Variants in LTBP4 observed in about 807,000 individuals in gnomAD.
LTBP4 encodes the protein latent-transforming growth factor beta-binding protein 4.
Under a neutral mutation model 180.2 loss-of-function variants are expected in LTBP4, and 93 were observed. That is an observed-to-expected ratio of 0.52 (90% CI 0.44 to 0.61). The LOEUF (loss-of-function observed/expected upper bound fraction) is 0.61, where lower values mean the gene tolerates loss of function less well. Among genes scored for constraint, LTBP4 ranks in the 20% least tolerant of loss-of-function variants. The probability of loss-of-function intolerance (pLI) is 0.00; values close to 1 mark genes in which losing one functional copy is unlikely to be tolerated. For synonymous variants in LTBP4, 947 were observed against 934.5 expected (o/e 1.01, Z -0.24); for missense variants, 2,116 against 2,256.5 (o/e 0.94, Z 1.26).
At chr19:40,606,894 G>T (rs1425527426) in intron 6 of LTBP4, among the ~76,000 whole-genome samples, 2 of 152,120 alleles carry the variant, frequency 1.3e-5, no homozygotes, top group African/African-American at 4.8e-5. Context: ...ACTACAGGCG[G>T]GCACCACCAT....
intron 7 of LTBP4, among the ~76,000 whole-genome samples, chr19:40,607,816 C>G (rs1367363215): frequency 1.3e-5 from 2 of 152,236 alleles, no homozygotes; most frequent in East Asian, 3.8e-4. Flanking sequence ...TGTCCCTGAA[C>G]TTTGACCAAG....
rs778366246 is a variant in LTBP4 at position 40,609,711 on chromosome 19, G to A, written c.1559-35G>A. 6.2e-7 allele frequency: 1 copy of A among 1,611,250 alleles called. No individual in the cohort carries two copies. Among genetic ancestry groups the A allele is most frequent in the South Asian group, 1.1e-5 (1 of 90,996 alleles). On this transcript the variant is annotated intron_variant, in intron 10 of 29. Transcript: ENST00000396819. This position sits in a 1 kb window ranked among gnomAD's most constrained non-coding sequence, Gnocchi z 4.9. ...GGAGGCGGGGCGGGGGGCTTTGCCT[G>A]GTCACCTTGTCACCAGCCCCCTCCG...
intron 1 of LTBP4, among the ~76,000 whole-genome samples, chr19:40,593,567 A>G (rs539907037): frequency 4.6e-4 from 69 of 151,086 alleles, no homozygotes; most frequent in African/African-American, 1.5e-3. Flanking sequence ...AATTTTTTAC[A>G]TGCCAGGATA....
rs1463519931 is a variant in LTBP4, at chr19:40,611,964, C to G, written c.2159C>G (p.Thr720Ser). The G allele has an allele frequency of 8.7e-6, 14 of 1,611,770 alleles. No homozygotes were observed. The highest frequency in any genetic ancestry group is 1.2e-5 in the Non-Finnish European group (14 of 1,178,938). Residue 720 changes from threonine (T) to serine (S), a missense_variant, in exon 14 of 30, where the codon ACT becomes AGT. Physicochemically the swap from Thr to Ser is moderately conservative, Grantham distance 58. Coordinates refer to ENST00000396819, the MANE Select transcript of LTBP4 (RefSeq NM_001042545.2). This position sits in a 1 kb window ranked among gnomAD's most constrained non-coding sequence, Gnocchi z 4.4. ...TGCCCCATGGGCTTCCAACCCAACA[C>G]TGCTGGCTCCGAGTGCGAGGGTGAG... Reference protein sequence around the residue: ...CVCPMGFQPNTAGSECEDVDE... With the variant: ...CVCPMGFQPNSAGSECEDVDE...
At chr19:40,615,309 C>T (rs2081541274) in intron 19 of LTBP4, 1 of 150,494 alleles carries the variant, frequency 6.6e-6, no homozygotes, top group African/African-American at 2.4e-5. Context: ...AATCTAGCTT[C>T]ATAAGATCTC....
intron 24 of LTBP4, 75 bp downstream of exon 24, chr19:40,623,096 C>G: frequency 1.8e-6 from 2 of 1,126,606 alleles, no homozygotes; most frequent in Non-Finnish European, 1.3e-6. Context: ...TTCTTTGCCT[C>G]TGTCTCTCAC....
rs751578174 is a variant in LTBP4, at chr19:40,611,217, T to C, written c.1876T>C (p.Ser626Pro). Residue 626 changes from serine (S) to proline (P), a missense_variant, in exon 13 of 30, where the codon TCT (serine) becomes CCT (proline). Ser to Pro is a moderately conservative substitution (Grantham distance 74, BLOSUM62 -1). This residue lies in a region of LTBP4 where 877 missense variants were observed against 873.6 expected (regional missense o/e 1.00). Transcript: ENST00000396819. The surrounding 1 kb of genome is among the most constrained non-coding windows in gnomAD (Gnocchi z 4.4). ...GRGACKNLPG[S>P]FRCVCPAGFR... ...AGGGGCCTGCAAGAACCTGCCTGGCTCTTTCCGCTGTGTTTGCCCGGCTGG... is the reference window on the plus strand; with the variant it reads ...AGGGGCCTGCAAGAACCTGCCTGGCCCTTTCCGCTGTGTTTGCCCGGCTGG... The C allele has an allele frequency of 1.2e-6, 2 of 1,613,558 alleles. No individual in the cohort carries two copies. The highest frequency in any genetic ancestry group is 8.5e-7 in the Non-Finnish European group (1 of 1,179,818).
rs748060173 is a variant in LTBP4, at chr19:40,617,085, G to C, written c.2945-15G>C. The C allele has an allele frequency of 1.6e-5, 26 of 1,613,870 alleles. 1 individual carries two copies. Among genetic ancestry groups the C allele is most frequent in the Middle Eastern group, 1.6e-4 (1 of 6,082 alleles). On this transcript the variant is annotated splice_polypyrimidine_tract_variant and intron_variant, in intron 20 of 29. Coordinates refer to ENST00000396819, the MANE Select transcript of LTBP4 (RefSeq NM_001042545.2). Reference sequence around the variant, plus strand: ...TAGAAGGTCCAGAAATGGCCTGACTGTCTGGTGGTTGCAGATGTGGACGAA... The same window carrying C: ...TAGAAGGTCCAGAAATGGCCTGACTCTCTGGTGGTTGCAGATGTGGACGAA...
intron 26 of LTBP4, among the ~76,000 whole-genome samples, chr19:40,625,273 T>TTTTTTTTTTTTTTTTTTTTTTTTTTTTA: frequency 9.0e-5 from 1 of 11,090 alleles, no homozygotes; most frequent in South Asian, 3.8e-3. Flanking sequence ...TATATATATA[T>TTTTTTTTTTTTTTTTTTTTTTTTTTTTA]ATATATATAT....
rs2081599016 is a variant in LTBP4 at position 40,623,168 on chromosome 19, TTC to T, written c.3556+149_3556+150del. ...CCCATACTCTGTCTCTTTCTTTCTT[TTC>T]TTTCTTTTTTTTTTTTTTCTTAAGA... On this transcript the variant is annotated intron_variant, in intron 24 of 29. Coordinates refer to ENST00000396819, the MANE Select transcript of LTBP4 (RefSeq NM_001042545.2). The T allele has an allele frequency of 5.8e-6, 3 of 520,356 alleles. No individual in the cohort carries two copies. In the South Asian group the frequency reaches 1.1e-4, roughly 20 times the overall value. 32.2% of individuals were successfully genotyped at this position (520,356 alleles called of 1,614,324 possible). A position where few individuals can be genotyped will look rare whatever the true frequency, so the allele number is the denominator to read the frequency against.
At chr19:40,603,080 A>C (rs2081435430) in intron 1 of LTBP4, among the ~76,000 whole-genome samples, 1 of 152,168 alleles carries the variant, frequency 6.6e-6, no homozygotes, top group Non-Finnish European at 1.5e-5. Context: ...CCATGGCAAC[A>C]GACTTTAGAG....
Position 40,622,558 on chromosome 19 carries a change from A to T in LTBP4, c.3375A>T (p.Ala1125=). Residue 1125 remains alanine (A), a synonymous_variant, in exon 23 of 30, where the codon GCA becomes GCT. Transcript: ENST00000396819. The surrounding 1 kb of genome is among the most constrained non-coding windows in gnomAD (Gnocchi z 5.1). ...ACTTTGACACAGCGGCCCCGGATGCATGTGACAACATCCTGGCTCGGAATG... is the reference window on the plus strand; with the variant it reads ...ACTTTGACACAGCGGCCCCGGATGCTTGTGACAACATCCTGGCTCGGAATG... ...ECYFDTAAPD[A]CDNILARNVT... 6.2e-7 allele frequency: 1 copy of T among 1,613,890 alleles called. No individual in the cohort carries two copies. Among genetic ancestry groups the T allele is most frequent in the Non-Finnish European group, 8.5e-7 (1 of 1,179,862 alleles).
At chr19:40,615,178 A>AT (rs903526162) in intron 19 of LTBP4, among the ~76,000 whole-genome samples, 11 of 38,248 alleles carry the variant, frequency 2.9e-4, no homozygotes, top group African/African-American at 1.4e-3. Flanking sequence ...TACAGTATAT[A>AT]TTTTTTTGTG....
chr19:40,629,705 C>T lies in LTBP4; in HGVS notation c.*155C>T. ...GGAAGCTGCGACGCCCTGCACTGCTCCCGCCTCCACCAGCGCCTCCCACTG... is the reference window on the plus strand; with the variant it reads ...GGAAGCTGCGACGCCCTGCACTGCTTCCGCCTCCACCAGCGCCTCCCACTG... On this transcript the variant is annotated 3_prime_UTR_variant, in exon 30 of 30. Coordinates refer to ENST00000396819, the MANE Select transcript of LTBP4 (RefSeq NM_001042545.2). The surrounding 1 kb of genome is among the most constrained non-coding windows in gnomAD (Gnocchi z 4.5). 1.4e-6 allele frequency: 1 copy of T among 700,654 alleles called. No homozygotes were observed. The highest frequency in any genetic ancestry group is 4.0e-5 in the East Asian group (1 of 25,026). The allele number at this position is 700,654 out of a possible 1,614,324, so 43.4% of individuals were successfully genotyped here.
chr19:40,597,445 C>A (rs545460393), upstream of LTBP4: 80 of 1,393,838 alleles, frequency 5.7e-5, no homozygotes, highest in Admixed American at 9.5e-5. Context: ...AGGACCACGG[C>A]TTTCGGATTC....
At position 40,609,563 on chromosome 19, in the gene LTBP4, A is replaced by C. The variant is rs572770270; in HGVS notation, c.1460A>C (p.Gln487Pro). The stretch of plus-strand genomic sequence containing the variant: ...TCCGGCATGTGTCAGCGCAACCCCC[A>C]GGTCTGCGGCCCAGGACGCTGCATT... ...PSSGMCQRNP[Q>P]VCGPGRCISR... The change falls in exon 10 of 30, where the codon CAG (glutamine) becomes CCG (proline). Residue 487 changes from glutamine to proline, a missense_variant. Physicochemically the swap from Gln to Pro is moderately conservative, Grantham distance 76. Coordinates refer to ENST00000396819, the MANE Select transcript of LTBP4 (RefSeq NM_001042545.2). This position sits in a 1 kb window ranked among gnomAD's most constrained non-coding sequence, Gnocchi z 4.9. 1.9e-6 allele frequency: 3 copies of C among 1,613,294 alleles called. No individual in the cohort carries two copies. In the African/African-American group the frequency reaches 4.0e-5, roughly 22 times the overall value.
In LTBP4 at chr19:40,619,466, C is replaced by T. The variant is rs376168693; in HGVS notation, c.3190C>T (p.Arg1064Cys). Residue 1064 changes from arginine (R) to cysteine (C), a missense_variant, in exon 22 of 30, where the codon CGC becomes TGC. Arg to Cys is a radical substitution (Grantham distance 180). Transcript: ENST00000396819. ...GGAAGAGTTTGACCCCATGACTGGA[C>T]GCTGTGTTCCCCCACGAACTTCTGC... ...SPEEFDPMTG[R>C]CVPPRTSAGT... is the part of the protein sequence containing the mutation. 67 of 1,612,400 alleles carry T rather than the reference C, an allele frequency of 4.2e-5. No homozygotes were observed. The highest frequency in any genetic ancestry group is 6.7e-5 in the East Asian group (3 of 44,866).
rs373835441 is a variant in LTBP4 at position 40,608,531 on chromosome 19, G to C, written c.1354G>C (p.Asp452His). 1.9e-6 allele frequency: 3 copies of C among 1,605,440 alleles called. No homozygotes were observed. Among genetic ancestry groups the C allele is most frequent in the Non-Finnish European group, 2.5e-6 (3 of 1,177,068 alleles). ...GGAGCCCCGGCCTGAACCCCGGCCC[G>C]ATCCCCGGCCCGGCCCTGAGCTTCC... ...RLEPRPEPRPDPRPGPELPLP... is the reference protein window; with the variant it reads ...RLEPRPEPRPHPRPGPELPLP... The change falls in exon 9 of 30, where the codon GAT (aspartate) becomes CAT (histidine). Residue 452 changes from aspartate (D) to histidine (H), a missense_variant. This residue lies in a region of LTBP4 where 877 missense variants were observed against 873.6 expected (regional missense o/e 1.00). Coordinates refer to ENST00000396819, the MANE Select transcript of LTBP4 (RefSeq NM_001042545.2).
intron 1 of LTBP4, among the ~76,000 whole-genome samples, chr19:40,594,278 T>A (rs778529732): frequency 6.7e-6 from 1 of 149,436 alleles, no homozygotes; most frequent in Non-Finnish European, 1.5e-5. Context: ...TGGAAGATTC[T>A]GGAATGCGGG....
Sources: gnomAD v4.1 joint callset for allele counts (sites outside exome capture counted in the v4.1 genomes callset) on GRCh38, gnomAD v4.1.1 for gene constraint, gnomAD v4.1.1 regional missense constraint, Gnocchi (gnomAD v3.1) non-coding constraint, MANE v1.5 for transcripts, NCBI Gene and HGNC (gene_info 2026-07-23, HGNC 2026-07-21) for gene names.